Variants in ENOX1 observed in about 807,000 individuals in gnomAD.
The protein encoded by ENOX1 is ecto-NOX disulfide-thiol exchanger 1.
A neutral mutation model predicts 82.5 loss-of-function variants in ENOX1; 42 were observed. That is an observed-to-expected ratio of 0.51 (90% CI 0.40 to 0.66). The LOEUF is 0.66. Among genes scored for constraint, ENOX1 ranks in the 30% least tolerant of loss-of-function variants. The probability of loss-of-function intolerance (pLI) is 0.00; values close to 1 mark genes in which losing one functional copy is unlikely to be tolerated. For synonymous variants in ENOX1, 271 were observed against 282.2 expected (o/e 0.96, Z 0.40); for missense variants, 608 against 811.6 (o/e 0.75, Z 3.05).
intron 15 of ENOX1, among the ~76,000 whole-genome samples, chr13:43,236,051 G>C (rs1471097917): frequency 6.6e-6 from 1 of 152,168 alleles, no homozygotes; most frequent in Non-Finnish European, 1.5e-5. Context: ...TCTTCCTCGT[G>C]AAAATAAGTA....
At chr13:43,697,678 C>T (rs2086707159) in intron 1 of ENOX1, among the ~76,000 whole-genome samples, 1 of 152,168 alleles carries the variant, frequency 6.6e-6, no homozygotes, top group Non-Finnish European at 1.5e-5. Context: ...CAAGTTCCAT[C>T]CAAAGGGACG....
intron 12 of ENOX1, among the ~76,000 whole-genome samples, chr13:43,281,000 T>C (rs2045346133): frequency 6.6e-6 from 1 of 152,170 alleles, no homozygotes; most frequent in Non-Finnish European, 1.5e-5. Flanking sequence ...TTTAGGAATG[T>C]CAGAGTAACT....
At chr13:43,486,292 A>C (rs2076413341) in intron 2 of ENOX1, among the ~76,000 whole-genome samples, 1 of 152,022 alleles carries the variant, frequency 6.6e-6, no homozygotes, top group African/African-American at 2.4e-5. Flanking sequence ...GCTGAGGCAT[A>C]AGAATCACTT....
Position 43,344,683 on chromosome 13 carries a change from C to A in ENOX1, c.891G>T (p.Arg297=). Residue 297 remains arginine, a synonymous_variant, in exon 9 of 17, where the codon CGG becomes CGT. Transcript: ENST00000690772. ...LSWIERGEVN[R]RSANQFYSMV... is the part of the protein sequence containing the mutation. ...TGGAATAGAACTGGTTTGCAGAGCGCCGATTCACTTCCCCTCGTTCAATCC... is the reference window on the plus strand; with the variant it reads ...TGGAATAGAACTGGTTTGCAGAGCGACGATTCACTTCCCCTCGTTCAATCC... 1 of 1,614,146 alleles carries A rather than the reference C, an allele frequency of 6.2e-7. No homozygotes were observed. The highest frequency in any genetic ancestry group is 8.5e-7 in the Non-Finnish European group (1 of 1,180,040).
chr13:43,761,393 C>A (rs765239237), intron 1 of ENOX1, among the ~76,000 whole-genome samples: 3 of 152,198 alleles, frequency 2.0e-5, no homozygotes, highest in Non-Finnish European at 4.4e-5. Context: ...CATTTCCAAA[C>A]ACCTTGAAAT....
chr13:43,706,580 AG>A (rs1326739443), intron 1 of ENOX1, among the ~76,000 whole-genome samples: 2 of 152,108 alleles, frequency 1.3e-5, no homozygotes, highest in African/African-American at 4.8e-5. Flanking sequence ...CAAAAATACA[AG>A]ATTAGTTCAA....
chr13:43,387,420 G>A (rs972919191), intron 5 of ENOX1, among the ~76,000 whole-genome samples: 9 of 152,054 alleles, frequency 5.9e-5, no homozygotes, highest in African/African-American at 7.2e-5. Context: ...GAAGGCAAGA[G>A]CAAACCTAGC....
intron 2 of ENOX1, among the ~76,000 whole-genome samples, chr13:43,581,125 CTTTT>C (rs1174448355): frequency 1.4e-3 from 107 of 77,086 alleles, no homozygotes; most frequent in African/African-American, 5.4e-3. Context: ...CTACCTGATT[CTTTT>C]TTTTTTTTTT....
At chr13:43,540,318 G>A (rs1015459030) in intron 2 of ENOX1, among the ~76,000 whole-genome samples, 3 of 152,074 alleles carry the variant, frequency 2.0e-5, no homozygotes, top group South Asian at 4.2e-4. Context: ...TATGAGATTT[G>A]TACAAGTGCT....
chr13:43,561,439 C>T (rs1267072039), intron 2 of ENOX1, among the ~76,000 whole-genome samples: 2 of 152,088 alleles, frequency 1.3e-5, no homozygotes, highest in Non-Finnish European at 2.9e-5. Flanking sequence ...ACATATGATG[C>T]ATATAGGAAC....
chr13:43,247,828 CATATATATATATATATATATAT>C (rs71214135), intron 14 of ENOX1, among the ~76,000 whole-genome samples: 15 of 37,116 alleles, frequency 4.0e-4, no homozygotes, highest in African/African-American at 1.5e-3. Flanking sequence ...ACAGATGCAA[CATATATATATATATATATATAT>C]ATATATATAT....
intron 1 of ENOX1, among the ~76,000 whole-genome samples, chr13:43,733,362 T>G (rs1458927791): frequency 6.6e-6 from 1 of 152,134 alleles, no homozygotes; most frequent in Non-Finnish European, 1.5e-5. Context: ...ACTGTGCTAT[T>G]GAAAAACACC....
chr13:43,694,661 T>C (rs1178400539), intron 1 of ENOX1, among the ~76,000 whole-genome samples: 1 of 152,188 alleles, frequency 6.6e-6, no homozygotes, highest in African/African-American at 2.4e-5. Flanking sequence ...CCACATATGG[T>C]AGAAGTAGGC....
At chr13:43,673,430 TAA>T (rs1566746512) in intron 1 of ENOX1, among the ~76,000 whole-genome samples, 1 of 152,196 alleles carries the variant, frequency 6.6e-6, no homozygotes. Flanking sequence ...AATGCCTCTA[TAA>T]GAGATCACCA....
chr13:43,285,793 AGAGT>A (rs2045660268), intron 12 of ENOX1, among the ~76,000 whole-genome samples: 1 of 140,242 alleles, frequency 7.1e-6, no homozygotes, highest in East Asian at 2.0e-4. Flanking sequence ...CTGGGTGACA[AGAGT>A]GAGACTCTGT....
At chr13:43,554,995 A>G (rs1169638814) in intron 2 of ENOX1, among the ~76,000 whole-genome samples, 1 of 152,240 alleles carries the variant, frequency 6.6e-6, no homozygotes. Context: ...AAGACATTCT[A>G]AAAATACAAA....
intron 2 of ENOX1, among the ~76,000 whole-genome samples, chr13:43,610,319 A>T (rs769366338): frequency 1.2e-4 from 18 of 152,214 alleles, no homozygotes; most frequent in Non-Finnish European, 1.3e-4. Context: ...TGTGCTGTGT[A>T]TTCAACTGTG....
intron 2 of ENOX1, among the ~76,000 whole-genome samples, chr13:43,664,365 T>C (rs2084875094): frequency 6.6e-6 from 1 of 152,206 alleles, no homozygotes; most frequent in African/African-American, 2.4e-5. Context: ...TGAGGTTTTA[T>C]TTCTGGGTTA....
At chr13:43,238,105 G>A (rs1001269483) in intron 14 of ENOX1, among the ~76,000 whole-genome samples, 12 of 152,206 alleles carry the variant, frequency 7.9e-5, no homozygotes, top group Admixed American at 2.6e-4. Flanking sequence ...TGGCTAGAGG[G>A]TATAACAGGC....
Sources: allele counts gnomAD v4.1 joint callset (sites outside exome capture counted in the v4.1 genomes callset), GRCh38; gene constraint gnomAD v4.1.1; transcripts MANE v1.5; gene names NCBI Gene and HGNC (gene_info 2026-07-23, HGNC 2026-07-21).